KHDRBS2: variants seen among roughly 807,000 people sequenced by gnomAD.
KHDRBS2 encodes KH RNA binding domain containing, signal transduction associated 2.
In KHDRBS2, 26 loss-of-function variants were observed where a neutral mutation model predicts 44.3. That is an observed-to-expected ratio of 0.59 (90% CI 0.43 to 0.81). The LOEUF (loss-of-function observed/expected upper bound fraction) is 0.81, where lower values mean the gene tolerates loss of function less well. KHDRBS2 is among the 40% of genes least tolerant of loss of function. The pLI is 0.00. For synonymous variants in KHDRBS2, 194 were observed against 151.1 expected (o/e 1.28, Z -2.08); for missense variants, 476 against 433.1 (o/e 1.10, Z -0.88).
intron 2 of KHDRBS2, among the ~76,000 whole-genome samples, chr6:62,058,334 T>C (rs1790777558): frequency 6.6e-6 from 1 of 151,936 alleles, no homozygotes; most frequent in Non-Finnish European, 1.5e-5. Flanking sequence ...CATTCGTTGA[T>C]ACTCAAATTC....
At chr6:62,169,034 CATATATATATATAT>C (rs369570219) in intron 2 of KHDRBS2, among the ~76,000 whole-genome samples, 6 of 72,582 alleles carry the variant, frequency 8.3e-5, no homozygotes, top group East Asian at 4.4e-4. Flanking sequence ...GTTCTCCAGT[CATATATATATATAT>C]ATATATATAT....
intron 8 of KHDRBS2, among the ~76,000 whole-genome samples, chr6:61,687,580 GCCTTTTTCTTGTTGAAAGATT>G (rs1270039503): frequency 2.6e-5 from 4 of 151,740 alleles, no homozygotes; most frequent in African/African-American, 9.7e-5. Flanking sequence ...TTACTATCCT[GCCTTTTTCTTGTTGAAAGATT>G]CCTTTCTGCA....
downstream of KHDRBS2, among the ~76,000 whole-genome samples, chr6:61,675,239 G>A (rs546071862): frequency 1.3e-5 from 2 of 151,742 alleles, no homozygotes; most frequent in Admixed American, 1.3e-4. Context: ...TTCATGTAAA[G>A]ACCTAAAAGA....
chr6:62,161,574 G>T lies in KHDRBS2; in HGVS notation c.219+15611C>A, dbSNP rs1216824292. On this transcript the variant is annotated intron_variant, in intron 2 of 8. Transcript: ENST00000281156. ...AGCATCCGAGAATTTTGGTATTTGC[G>T]GGGGGGGGGGGGGTCCCAGAACAAA... 3.3e-3 allele frequency among the ~76,000 whole-genome samples: 20 copies of T among 6,122 alleles called. 1 individual carries two copies. Among genetic ancestry groups the T allele is most frequent in the Middle Eastern group, 0.17 (1 of 6 alleles). The allele number at this position is 6,122 out of a possible 152,430, so 4.0% of individuals were successfully genotyped here. A position where few individuals can be genotyped will look rare whatever the true frequency, so the allele number is the denominator to read the frequency against.
At chr6:61,767,662 C>A (rs1369330942) in intron 6 of KHDRBS2, among the ~76,000 whole-genome samples, 1 of 151,954 alleles carries the variant, frequency 6.6e-6, no homozygotes, top group East Asian at 1.9e-4. Context: ...ACTGAGGTTA[C>A]CATGAGGCTT....
chr6:61,553,195 G>A, the KHDRBS2 span, among the ~76,000 whole-genome samples: 5 of 152,112 alleles, frequency 3.3e-5, no homozygotes, highest in South Asian at 8.3e-4. Flanking sequence ...CTTATGATTT[G>A]TTCAGGGATT....
chr6:62,237,242 T>C (rs1336155040), intron 1 of KHDRBS2, among the ~76,000 whole-genome samples: 11 of 152,134 alleles, frequency 7.2e-5, no homozygotes, highest in African/African-American at 2.2e-4. Flanking sequence ...CTGTACCTAA[T>C]AAAAAAATTC....
chr6:61,822,912 C>T (rs1790180618), intron 6 of KHDRBS2, among the ~76,000 whole-genome samples: 1 of 151,984 alleles, frequency 6.6e-6, no homozygotes, highest in Non-Finnish European at 1.5e-5. Flanking sequence ...AACAGTGTAT[C>T]ATAATTAGCT....
chr6:62,209,109 A>T lies in KHDRBS2; in HGVS notation c.92-31797T>A, dbSNP rs530854844. The stretch of plus-strand genomic sequence containing the variant: ...ATACTTCTTAGCCACATATCTGATA[A>T]AGGTTAATATTCAAAATTTATAAAG... On this transcript the variant is annotated intron_variant, in intron 1 of 8. Coordinates refer to ENST00000281156, the MANE Select transcript of KHDRBS2 (RefSeq NM_152688.4). Among the ~76,000 whole-genome samples, 23 of 152,344 alleles carry T rather than the reference A, an allele frequency of 1.5e-4. No individual in the cohort carries two copies. The Middle Eastern group carries it at 0.01, about 68-fold the overall frequency.
rs181523207 is a variant in KHDRBS2, at chr6:62,038,848, T to G, written c.336+9030A>C. ...AACAACAACCTTTGCATCAAAGATT[T>G]TTCTAAGAGATTAAATATCCTTATT... On this transcript the variant is annotated intron_variant, in intron 3 of 8. Transcript: ENST00000281156. 3.5e-4 allele frequency among the ~76,000 whole-genome samples: 53 copies of G among 152,182 alleles called. No homozygotes were observed. The East Asian group carries it at 0.01, about 29-fold the overall frequency.
chr6:61,934,053 A>G (rs1300413777), intron 4 of KHDRBS2, among the ~76,000 whole-genome samples: 2 of 151,708 alleles, frequency 1.3e-5, no homozygotes, highest in Non-Finnish European at 2.9e-5. Flanking sequence ...GTGATGTTGA[A>G]CCTTTCTTTC....
rs70996208 is a variant in KHDRBS2 at position 62,194,480 on chromosome 6, C to CTTTTTTTTTTTTTTTTTTTTTTTT, written c.92-17192_92-17169dup. On this transcript the variant is annotated intron_variant, in intron 1 of 8. Coordinates refer to ENST00000281156, the MANE Select transcript of KHDRBS2 (RefSeq NM_152688.4). Reference sequence around the variant, plus strand: ...CACTTTCTTTTCTTTTCTTTTCTTCCTTTTTTTTTTTTTTTTTTTTTTTTT... The same window carrying CTTTTTTTTTTTTTTTTTTTTTTTT: ...CACTTTCTTTTCTTTTCTTTTCTTCCTTTTTTTTTTTTTTTTTTTTTTTTTTTTTTTTTTTTTTTTTTTTTTTTT... Among the ~76,000 whole-genome samples, 8 of 69,770 alleles carry CTTTTTTTTTTTTTTTTTTTTTTTT rather than the reference C, an allele frequency of 1.1e-4. 3 individuals are homozygous for CTTTTTTTTTTTTTTTTTTTTTTTT. The highest frequency in any genetic ancestry group is 2.0e-4 in the African/African-American group (3 of 15,312). 45.8% of individuals were successfully genotyped at this position (69,770 alleles called of 152,430 possible). A position where few individuals can be genotyped will look rare whatever the true frequency, so the allele number is the denominator to read the frequency against.
intron 8 of KHDRBS2, among the ~76,000 whole-genome samples, chr6:61,696,186 T>G (rs1767878696): frequency 6.6e-6 from 1 of 151,980 alleles, no homozygotes; most frequent in South Asian, 2.1e-4. Flanking sequence ...CTATAAATAT[T>G]TAAATTAGTA....
chr6:62,145,200 T>TC (rs1483402123), intron 2 of KHDRBS2, among the ~76,000 whole-genome samples: 1 of 151,874 alleles, frequency 6.6e-6, no homozygotes, highest in Admixed American at 6.6e-5. Context: ...ATTTTTATGT[T>TC]TTCAGTTCTC....
At chr6:61,852,389 C>T (rs980223606) in intron 6 of KHDRBS2, among the ~76,000 whole-genome samples, 51 of 151,832 alleles carry the variant, frequency 3.4e-4, no homozygotes, top group African/African-American at 1.2e-3. Context: ...CATGGTGAAA[C>T]CCCATCTCTA....
intron 6 of KHDRBS2, among the ~76,000 whole-genome samples, chr6:61,850,310 C>T (rs1420629813): frequency 6.6e-6 from 1 of 152,078 alleles, no homozygotes; most frequent in Admixed American, 6.5e-5. Context: ...ACTCCTTTGG[C>T]ATCTGCTTTT....
At chr6:62,146,552 T>C (rs1187689745) in intron 2 of KHDRBS2, among the ~76,000 whole-genome samples, 1 of 151,864 alleles carries the variant, frequency 6.6e-6, no homozygotes, top group Non-Finnish European at 1.5e-5. Context: ...ACAGATTTGA[T>C]TTCTGTAAAA....
intron 1 of KHDRBS2, among the ~76,000 whole-genome samples, chr6:62,218,373 AT>A: frequency 6.6e-6 from 1 of 151,998 alleles, no homozygotes; most frequent in African/African-American, 2.4e-5. Flanking sequence ...TTCCTCAAGC[AT>A]TTTTAATAAC....
intron 6 of KHDRBS2, among the ~76,000 whole-genome samples, chr6:61,758,347 G>C (rs1318472262): frequency 6.6e-6 from 1 of 151,758 alleles, no homozygotes; most frequent in Non-Finnish European, 1.5e-5. Context: ...ATGACCAAAA[G>C]CACGTGCCAT....
Sources: allele counts gnomAD v4.1 joint callset (sites outside exome capture counted in the v4.1 genomes callset), GRCh38; gene constraint gnomAD v4.1.1; transcripts MANE v1.5; gene names NCBI Gene and HGNC (gene_info 2026-07-23, HGNC 2026-07-21).